Variants in CSMD3 observed in about 807,000 individuals in gnomAD.
The protein encoded by CSMD3 is CUB and sushi domain-containing protein 3.
Under a neutral mutation model 435.2 loss-of-function variants are expected in CSMD3, and 177 were observed. The ratio of observed to expected loss-of-function variants is 0.41; its 90% confidence interval spans 0.36 to 0.46. CSMD3 has a LOEUF of 0.46. CSMD3 is among the 20% of genes least tolerant of loss of function. The pLI, the probability that CSMD3 is intolerant of heterozygous loss-of-function variation, is 0.34. For synonymous variants in CSMD3, 1,656 were observed against 1,520.5 expected, an observed-to-expected ratio of 1.09 and a Z score of -2.07; for missense variants, 4,265 against 4,504.6, an observed-to-expected ratio of 0.95 and a Z score of 1.52.
At chr8:112,741,252 C>G (rs2077297838) in intron 13 of CSMD3, among the ~76,000 whole-genome samples, 1 of 151,772 alleles carries the variant, frequency 6.6e-6, no homozygotes, top group African/African-American at 2.4e-5. Context: ...TAAGAAACTC[C>G]TACAACTCAA....
intron 47 of CSMD3, among the ~76,000 whole-genome samples, chr8:112,318,474 G>A (rs1586754420): frequency 6.6e-6 from 1 of 151,988 alleles, no homozygotes; most frequent in South Asian, 2.1e-4. Flanking sequence ...AATGAGTCTA[G>A]TGGTTAGATA....
intron 66 of CSMD3, among the ~76,000 whole-genome samples, chr8:112,239,323 G>T (rs998152072): frequency 6.6e-6 from 1 of 151,784 alleles, no homozygotes; most frequent in South Asian, 2.1e-4. Flanking sequence ...TTTTCGCATG[G>T]GTTATCTTTA....
chr8:113,417,732 G>C (rs2094588608), intron 1 of CSMD3, among the ~76,000 whole-genome samples: 1 of 151,898 alleles, frequency 6.6e-6, no homozygotes, highest in South Asian at 2.1e-4. Context: ...ATACAAGCAA[G>C]TCTTCAAGAT....
At chr8:112,831,451 A>T (rs1446746556) in intron 11 of CSMD3, among the ~76,000 whole-genome samples, 2 of 151,896 alleles carry the variant, frequency 1.3e-5, no homozygotes, top group African/African-American at 4.8e-5. Context: ...AATTCATTTT[A>T]TAACCTAGTA....
At chr8:112,972,925 A>G (rs994047178) in intron 7 of CSMD3, among the ~76,000 whole-genome samples, 1 of 151,998 alleles carries the variant, frequency 6.6e-6, no homozygotes, top group Non-Finnish European at 1.5e-5. Flanking sequence ...AGAGGTAACA[A>G]TTTAAGCTAA....
chr8:113,338,436 T>TG (rs1300357292), intron 1 of CSMD3, among the ~76,000 whole-genome samples: 1 of 151,980 alleles, frequency 6.6e-6, no homozygotes, highest in Non-Finnish European at 1.5e-5. Flanking sequence ...TGCATACGAA[T>TG]GTTCATAGTA....
intron 6 of CSMD3, among the ~76,000 whole-genome samples, chr8:112,993,398 T>G (rs1337863679): frequency 6.6e-6 from 1 of 151,772 alleles, no homozygotes; most frequent in African/African-American, 2.4e-5. Context: ...AAAGCTAAAA[T>G]GGGACATAAA....
chr8:112,384,117 C>A (rs1829728026), intron 36 of CSMD3, among the ~76,000 whole-genome samples: 1 of 152,020 alleles, frequency 6.6e-6, no homozygotes. Flanking sequence ...TTTTTAAAAC[C>A]AGGTTTATTT....
At chr8:113,400,273 A>G (rs189391299) in intron 1 of CSMD3, among the ~76,000 whole-genome samples, 33 of 152,106 alleles carry the variant, frequency 2.2e-4, no homozygotes, top group African/African-American at 7.5e-4. Context: ...AAAACATAAA[A>G]TTCACAAAAA....
At position 113,030,424 on chromosome 8, in the gene CSMD3, A is replaced by AG. The variant is rs2087050437; in HGVS notation, c.918-11246_918-11245insC. ...AAAACACTTTGGTACTGGTAAAAAA[A>AG]AAAAAAAAAAAAAAAAAAAAAGATA... On this transcript the variant is annotated intron_variant, in intron 5 of 70. Coordinates refer to ENST00000297405, the MANE Select transcript of CSMD3 (RefSeq NM_198123.2). Among the ~76,000 whole-genome samples the AG allele has an allele frequency of 1.1e-4, 11 of 98,484 alleles. No individual in the cohort carries two copies. In the South Asian group the frequency reaches 3.3e-3, roughly 29 times the overall value. The allele number at this position is 98,484 out of a possible 152,430, so 64.6% of individuals were successfully genotyped here. A position where few individuals can be genotyped will look rare whatever the true frequency, so the allele number is the denominator to read the frequency against.
intron 10 of CSMD3, among the ~76,000 whole-genome samples, chr8:112,886,024 T>G (rs1308774231): frequency 1.3e-5 from 2 of 151,756 alleles, no homozygotes; most frequent in African/African-American, 4.8e-5. Context: ...CTTTTTACAT[T>G]TATTAAATAG....
chr8:112,540,782 G>T (rs1467854107), intron 27 of CSMD3, among the ~76,000 whole-genome samples: 2 of 151,960 alleles, frequency 1.3e-5, no homozygotes, highest in African/African-American at 4.8e-5. Context: ...ACTGGGAATT[G>T]CAGCATTCCA....
At position 112,772,576 on chromosome 8, in the gene CSMD3, CCCCAGCCCTACA is replaced by C. The variant is rs548671324; in HGVS notation, c.1972+27574_1972+27585del. Among the ~76,000 whole-genome samples, 425 of 152,068 alleles carry C rather than the reference CCCCAGCCCTACA, an allele frequency of 2.8e-3. 1 individual carries two copies. The highest frequency in any genetic ancestry group is 9.7e-3 in the African/African-American group (404 of 41,502). ...GTGGGAAGGGAAAGACCTGAAGTTC[CCCCAGCCCTACA>C]CCTGTAAAGGGTCTGTGCTGAGGAG... is the stretch of plus-strand genomic sequence containing the variant. On this transcript the variant is annotated intron_variant, in intron 13 of 70. Coordinates refer to ENST00000297405, the MANE Select transcript of CSMD3 (RefSeq NM_198123.2).
At chr8:112,973,991 A>G (rs1587801753) in intron 7 of CSMD3, among the ~76,000 whole-genome samples, 1 of 151,892 alleles carries the variant, frequency 6.6e-6, no homozygotes, top group Non-Finnish European at 1.5e-5. Flanking sequence ...GGTACATGGC[A>G]CCACTGAATG....
At chr8:113,112,854 A>C (rs573171567) in intron 4 of CSMD3, among the ~76,000 whole-genome samples, 1 of 152,232 alleles carries the variant, frequency 6.6e-6, no homozygotes, top group Admixed American at 6.5e-5. Context: ...GACCACCTCA[A>C]TAAATGGCTT....
At chr8:112,677,852 T>C (rs1010248205) in intron 16 of CSMD3, among the ~76,000 whole-genome samples, 4 of 152,128 alleles carry the variant, frequency 2.6e-5, no homozygotes, top group Admixed American at 2.0e-4. Flanking sequence ...TGGTGTGCTT[T>C]CTTAGAAGGA....
At chr8:113,351,886 G>C (rs189062891) in intron 1 of CSMD3, among the ~76,000 whole-genome samples, 3 of 152,244 alleles carry the variant, frequency 2.0e-5, no homozygotes, top group African/African-American at 7.2e-5. Context: ...TTCCTGCATA[G>C]AAGAATCTTT....
At chr8:112,579,073 A>G (rs1830152741) in intron 23 of CSMD3, among the ~76,000 whole-genome samples, 1 of 152,106 alleles carries the variant, frequency 6.6e-6, no homozygotes, top group African/African-American at 2.4e-5. Context: ...TCCTAAATAA[A>G]TACTGCTTGA....
At chr8:113,397,618 C>T (rs1355258660) in intron 1 of CSMD3, among the ~76,000 whole-genome samples, 1 of 151,864 alleles carries the variant, frequency 6.6e-6, no homozygotes. Flanking sequence ...AGATCAAGAC[C>T]ATCCTGGCTA....
Sources: allele counts gnomAD v4.1 joint callset (sites outside exome capture counted in the v4.1 genomes callset), GRCh38; gene constraint gnomAD v4.1.1; transcripts MANE v1.5; gene names NCBI Gene and HGNC (gene_info 2026-07-23, HGNC 2026-07-21).